CTNNBIP1: variants seen among roughly 807,000 people sequenced by gnomAD.
CTNNBIP1 encodes beta-catenin-interacting protein 1.
A neutral mutation model predicts 11.8 loss-of-function variants in CTNNBIP1; 7 were observed. That is an observed-to-expected ratio of 0.60 (90% CI 0.34 to 1.12). The LOEUF (loss-of-function observed/expected upper bound fraction) is 1.12, where lower values mean the gene tolerates loss of function less well. Ranked by LOEUF, CTNNBIP1 falls within the 50% of genes most tolerant of loss-of-function variation. CTNNBIP1 has a pLI of 0.03. For synonymous variants in CTNNBIP1, 58 were observed against 43.9 expected (o/e 1.32, Z -1.26); for missense variants, 101 against 113.4 (o/e 0.89, Z 0.50).
At chr1:9,863,342 GA>G (rs1459161489) in intron 5 of CTNNBIP1, among the ~76,000 whole-genome samples, 2 of 152,220 alleles carry the variant, frequency 1.3e-5, no homozygotes, top group African/African-American at 4.8e-5. Context: ...AGTTAACAAA[GA>G]TTAGCTTCCC....
In CTNNBIP1 at chr1:9,873,567, C is replaced by A. The variant is rs536927099; in HGVS notation, c.-24-1479G>T. Among the ~76,000 whole-genome samples, 4 of 152,262 alleles carry A rather than the reference C, an allele frequency of 2.6e-5. No individual in the cohort carries two copies. In the East Asian group the frequency reaches 7.7e-4, roughly 29 times the overall value. On this transcript the variant is annotated intron_variant, in intron 3 of 5. Transcript: ENST00000377263. ...GCACTGCCAATCTGGAGCTGGACTC[C>A]ACACAGCCTTGTGGGGTGAACCTTG...
At chr1:9,889,457 G>C (rs1039539423) in intron 1 of CTNNBIP1, among the ~76,000 whole-genome samples, 2 of 152,102 alleles carry the variant, frequency 1.3e-5, no homozygotes, top group African/African-American at 4.8e-5. Context: ...CGGAGCTGCC[G>C]ATTGCACCAG....
chr1:9,897,520 C>T (rs567199900), intron 1 of CTNNBIP1, among the ~76,000 whole-genome samples: 11 of 152,052 alleles, frequency 7.2e-5, no homozygotes, highest in South Asian at 4.2e-4. Flanking sequence ...GGCATGGTGG[C>T]GCGTGCCTGT....
intron 1 of CTNNBIP1, among the ~76,000 whole-genome samples, chr1:9,894,701 T>C (rs941923410): frequency 6.6e-6 from 1 of 151,688 alleles, no homozygotes; most frequent in Non-Finnish European, 1.5e-5. Flanking sequence ...CTAATTTTTA[T>C]AGTTTTTGTA....
At chr1:9,885,119 AG>A (rs1189396208) in intron 1 of CTNNBIP1, among the ~76,000 whole-genome samples, 1 of 152,112 alleles carries the variant, frequency 6.6e-6, no homozygotes, top group Admixed American at 6.5e-5. Context: ...CTCAGGTGAG[AG>A]GGCAGCAGCA....
chr1:9,903,345 A>G (rs575840236), intron 1 of CTNNBIP1, among the ~76,000 whole-genome samples: 1 of 152,224 alleles, frequency 6.6e-6, no homozygotes, highest in African/African-American at 2.4e-5. Flanking sequence ...GATGCACAGA[A>G]CACATACCTG....
chr1:9,898,032 T>C (rs567189122), intron 1 of CTNNBIP1, among the ~76,000 whole-genome samples: 2 of 151,600 alleles, frequency 1.3e-5, no homozygotes, highest in African/African-American at 4.8e-5. Flanking sequence ...GGAGAATCGC[T>C]TGAACCCAGA....
intron 1 of CTNNBIP1, among the ~76,000 whole-genome samples, chr1:9,895,433 C>T (rs958657040): frequency 2.6e-5 from 4 of 151,130 alleles, no homozygotes; most frequent in South Asian, 4.2e-4. Context: ...CCTGACTTCA[C>T]GTGATCCGCC....
chr1:9,901,943 C>A (rs1639530357), intron 1 of CTNNBIP1, among the ~76,000 whole-genome samples: 1 of 152,234 alleles, frequency 6.6e-6, no homozygotes, highest in African/African-American at 2.4e-5. Context: ...ATGTGAGTGG[C>A]TGCCTCTGCC....
At chr1:9,893,532 A>G (rs1243523315) in intron 1 of CTNNBIP1, among the ~76,000 whole-genome samples, 1 of 152,222 alleles carries the variant, frequency 6.6e-6, no homozygotes, top group East Asian at 1.9e-4. Flanking sequence ...AATGAAACCC[A>G]GGAGTCTTTA....
chr1:9,892,787 G>A (rs1639334824), intron 1 of CTNNBIP1, among the ~76,000 whole-genome samples: 1 of 152,062 alleles, frequency 6.6e-6, no homozygotes, highest in African/African-American at 2.4e-5. Flanking sequence ...TTGGGTGATT[G>A]CTTCTGCTCT....
intron 5 of CTNNBIP1, among the ~76,000 whole-genome samples, chr1:9,864,535 A>G (rs375488611): frequency 9.0e-4 from 137 of 152,254 alleles, no homozygotes; most frequent in African/African-American, 1.8e-3. Context: ...TCACCATGTT[A>G]GCCAGGATGG....
At chr1:9,853,709 G>C (rs1310805235) in intron 5 of CTNNBIP1, among the ~76,000 whole-genome samples, 3 of 152,200 alleles carry the variant, frequency 2.0e-5, no homozygotes, top group Admixed American at 6.5e-5. Context: ...CTTGAGCTCA[G>C]AGCTTCTATT....
At chr1:9,907,273 C>T (rs1456654550) in intron 1 of CTNNBIP1, among the ~76,000 whole-genome samples, 2 of 152,190 alleles carry the variant, frequency 1.3e-5, no homozygotes, top group Non-Finnish European at 1.5e-5. Flanking sequence ...CTGGTTCAAG[C>T]GATTCTCCTG....
At chr1:9,889,045 T>A (rs1266487172) in intron 1 of CTNNBIP1, among the ~76,000 whole-genome samples, 1 of 152,160 alleles carries the variant, frequency 6.6e-6, no homozygotes. Flanking sequence ...GGCATCCTCC[T>A]TTCTATGAAG....
At chr1:9,873,348 C>T (rs1298310478) in intron 3 of CTNNBIP1, among the ~76,000 whole-genome samples, 1 of 152,140 alleles carries the variant, frequency 6.6e-6, no homozygotes, top group Non-Finnish European at 1.5e-5. Context: ...TAACTGGGAG[C>T]TAGGAAAGAG....
intron 1 of CTNNBIP1, among the ~76,000 whole-genome samples, chr1:9,907,136 A>G (rs1639634236): frequency 6.6e-6 from 1 of 152,176 alleles, no homozygotes; most frequent in African/African-American, 2.4e-5. Flanking sequence ...TTGGAGCAGC[A>G]TGGAGATAAG....
At chr1:9,893,467 A>G (rs1285588626) in intron 1 of CTNNBIP1, among the ~76,000 whole-genome samples, 3 of 152,168 alleles carry the variant, frequency 2.0e-5, no homozygotes, top group Non-Finnish European at 2.9e-5. Flanking sequence ...CCCCTGGCAA[A>G]AAGACTCCAG....
At chr1:9,884,768 C>A (rs939981449) in intron 1 of CTNNBIP1, among the ~76,000 whole-genome samples, 2 of 152,102 alleles carry the variant, frequency 1.3e-5, no homozygotes, top group African/African-American at 4.8e-5. Flanking sequence ...CTGGGGCCAA[C>A]CCGCGGGTGA....
Sources: gnomAD v4.1 joint callset for allele counts (sites outside exome capture counted in the v4.1 genomes callset) on GRCh38, gnomAD v4.1.1 for gene constraint, MANE v1.5 for transcripts, NCBI Gene and HGNC (gene_info 2026-07-23, HGNC 2026-07-21) for gene names.